Variants in CDH12 observed in about 807,000 individuals in gnomAD.
CDH12 encodes cadherin 12, also known as cadherin-12.
CDH12 carries 41 observed loss-of-function variants against 74.1 expected under a neutral mutation model. That is an observed-to-expected ratio of 0.55 (90% CI 0.43 to 0.72). The LOEUF is 0.72. CDH12 is among the 30% of genes least tolerant of loss of function. The probability of loss-of-function intolerance (pLI) is 0.00; values close to 1 mark genes in which losing one functional copy is unlikely to be tolerated. For synonymous variants in CDH12, 399 were observed against 355.0 expected (o/e 1.12, Z -1.39); for missense variants, 945 against 977.2 (o/e 0.97, Z 0.44).
chr5:22,800,292 G>A (rs1450812342), intron 1 of CDH12, among the ~76,000 whole-genome samples: 2 of 152,142 alleles, frequency 1.3e-5, no homozygotes, highest in Non-Finnish European at 1.5e-5. Flanking sequence ...AAACTAACTG[G>A]TTTCTTGGTT....
chr5:22,604,962 C>A (rs1479790149), intron 1 of CDH12, among the ~76,000 whole-genome samples: 2 of 152,164 alleles, frequency 1.3e-5, no homozygotes, highest in East Asian at 3.9e-4. Flanking sequence ...ATGAGACTTC[C>A]CTCTCTCTTC....
chr5:22,450,082 G>A (rs942522050), intron 2 of CDH12, among the ~76,000 whole-genome samples: 1 of 151,894 alleles, frequency 6.6e-6, no homozygotes, highest in Non-Finnish European at 1.5e-5. Flanking sequence ...GACAGTCTGT[G>A]GTATTTAACA....
intron 5 of CDH12, among the ~76,000 whole-genome samples, chr5:22,055,978 G>C (rs1448362934): frequency 6.6e-6 from 1 of 152,036 alleles, no homozygotes; most frequent in Non-Finnish European, 1.5e-5. Flanking sequence ...TTTAAACATT[G>C]ATGTTCTAAA....
At chr5:22,795,328 A>G (rs1748139485) in intron 1 of CDH12, among the ~76,000 whole-genome samples, 1 of 152,086 alleles carries the variant, frequency 6.6e-6, no homozygotes, top group Non-Finnish European at 1.5e-5. Context: ...AGAAGTCAGA[A>G]ACTTCAAAAA....
intron 1 of CDH12, among the ~76,000 whole-genome samples, chr5:22,556,317 A>C (rs1738802280): frequency 6.6e-6 from 1 of 152,084 alleles, no homozygotes; most frequent in Non-Finnish European, 1.5e-5. Flanking sequence ...CAAGTGCAAA[A>C]TATGTGTTAA....
intron 1 of CDH12, among the ~76,000 whole-genome samples, chr5:22,551,522 C>T (rs545670844): frequency 1.3e-5 from 2 of 152,204 alleles, no homozygotes; most frequent in East Asian, 3.9e-4. Context: ...AAAGGCAGAG[C>T]TTTCAGTATC....
At chr5:22,213,541 T>C (rs1751666951) in intron 3 of CDH12, 1 of 152,220 alleles carries the variant, frequency 6.6e-6, no homozygotes, top group South Asian at 2.1e-4. Flanking sequence ...AACGTAGCTA[T>C]GTGCCGTTAC....
At chr5:21,908,713 A>G (rs1210901187) in intron 6 of CDH12, among the ~76,000 whole-genome samples, 1 of 152,174 alleles carries the variant, frequency 6.6e-6, no homozygotes, top group Admixed American at 6.5e-5. Flanking sequence ...CACATACAAA[A>G]GGGCACAAAA....
chr5:22,135,359 A>G (rs1164955549), intron 4 of CDH12, among the ~76,000 whole-genome samples: 1 of 152,020 alleles, frequency 6.6e-6, no homozygotes, highest in Non-Finnish European at 1.5e-5. Context: ...TTAACATTTT[A>G]AAACCAGACT....
intron 1 of CDH12, among the ~76,000 whole-genome samples, chr5:22,811,050 TACACATATATACGTATATGTATAC>T (rs1749119504): frequency 2.0e-5 from 3 of 151,276 alleles, no homozygotes; most frequent in African/African-American, 4.9e-5. Flanking sequence ...TATACATACA[TACACATATATACGTATATGTATAC>T]ATACATATAT....
chr5:22,167,533 T>A (rs1313021611), intron 4 of CDH12, among the ~76,000 whole-genome samples: 2 of 152,118 alleles, frequency 1.3e-5, no homozygotes, highest in Non-Finnish European at 1.5e-5. Context: ...CTCTTTGGAC[T>A]CAATGGCTCT....
intron 11 of CDH12, among the ~76,000 whole-genome samples, chr5:21,780,326 ATACT>A (rs1745834405): frequency 6.6e-6 from 1 of 152,214 alleles, no homozygotes; most frequent in Non-Finnish European, 1.5e-5. Flanking sequence ...ATAAAGGTTC[ATACT>A]TCCTTCCATT....
At chr5:22,697,519 C>T (rs1742437349) in intron 1 of CDH12, among the ~76,000 whole-genome samples, 1 of 148,420 alleles carries the variant, frequency 6.7e-6, no homozygotes, top group African/African-American at 2.5e-5. Flanking sequence ...TTGCAGTGAG[C>T]CGAGATAGCA....
intron 1 of CDH12, among the ~76,000 whole-genome samples, chr5:22,537,481 T>G (rs1737903439): frequency 6.6e-6 from 1 of 152,210 alleles, no homozygotes; most frequent in Non-Finnish European, 1.5e-5. Flanking sequence ...GGCATCAGCC[T>G]CATGGCTAAG....
chr5:22,147,231 A>G (rs1464920737), intron 4 of CDH12, among the ~76,000 whole-genome samples: 1 of 152,196 alleles, frequency 6.6e-6, no homozygotes, highest in East Asian at 1.9e-4. Flanking sequence ...CATTTGATCA[A>G]CAATGGCCAT....
At chr5:21,767,642 T>C (rs1213618978) in intron 11 of CDH12, among the ~76,000 whole-genome samples, 1 of 151,698 alleles carries the variant, frequency 6.6e-6, no homozygotes, top group Admixed American at 6.6e-5. Context: ...ATTGTGGCAA[T>C]ACAAAATAAG....
intron 1 of CDH12, among the ~76,000 whole-genome samples, chr5:22,520,731 T>G (rs1219451569): frequency 6.6e-6 from 1 of 152,096 alleles, no homozygotes; most frequent in Non-Finnish European, 1.5e-5. Flanking sequence ...CAAACAGGAC[T>G]TATTAGTTGG....
intron 1 of CDH12, among the ~76,000 whole-genome samples, chr5:22,778,573 G>A (rs908304184): frequency 6.6e-6 from 1 of 152,178 alleles, no homozygotes; most frequent in East Asian, 1.9e-4. Flanking sequence ...TAAATATAAT[G>A]TGTTTGGCAT....
chr5:22,209,393 C>T (rs1188915276), intron 4 of CDH12, among the ~76,000 whole-genome samples: 1 of 152,140 alleles, frequency 6.6e-6, no homozygotes, highest in Non-Finnish European at 1.5e-5. Flanking sequence ...CATTCAATTC[C>T]AACAGTTAGT....
Sources: allele counts gnomAD v4.1 joint callset (sites outside exome capture counted in the v4.1 genomes callset), GRCh38; gene constraint gnomAD v4.1.1; transcripts MANE v1.5; gene names NCBI Gene and HGNC (gene_info 2026-07-23, HGNC 2026-07-21).